Variants in GABRB2 observed in about 807,000 individuals in gnomAD.
GABRB2 encodes gamma-aminobutyric acid type A receptor subunit beta2, also known as gamma-aminobutyric acid receptor subunit beta-2.
GABRB2 carries 16 observed loss-of-function variants against 54.7 expected under a neutral mutation model. The ratio of observed to expected loss-of-function variants is 0.29; its 90% confidence interval spans 0.20 to 0.44. GABRB2 has a LOEUF of 0.44. GABRB2 is among the 20% of genes least tolerant of loss of function. The pLI is 1.00. For missense variants in GABRB2, 355 were observed against 644.0 expected (o/e 0.55, Z 4.86); for synonymous variants, 244 against 233.8 (o/e 1.04, Z -0.40).
intron 4 of GABRB2, among the ~76,000 whole-genome samples, chr5:161,450,835 C>T (rs1757769408): frequency 6.6e-6 from 1 of 152,090 alleles, no homozygotes; most frequent in Non-Finnish European, 1.5e-5. Context: ...AAAGAGGTTG[C>T]ATTCTATAAC....
chr5:161,533,119 C>T (rs1252136498), intron 3 of GABRB2, among the ~76,000 whole-genome samples: 5 of 151,950 alleles, frequency 3.3e-5, no homozygotes, highest in Admixed American at 3.3e-4. Context: ...CAGTAGATGC[C>T]AAAGTGTATA....
chr5:161,516,325 T>A (rs1227453330), intron 3 of GABRB2, among the ~76,000 whole-genome samples: 3 of 152,174 alleles, frequency 2.0e-5, no homozygotes, highest in African/African-American at 7.2e-5. Context: ...TTAATGCTCA[T>A]AACAACCCCA....
intron 5 of GABRB2, among the ~76,000 whole-genome samples, chr5:161,343,095 T>G (rs1443406258): frequency 1.3e-5 from 2 of 152,142 alleles, no homozygotes; most frequent in Admixed American, 1.3e-4. Context: ...GATACACACT[T>G]CTCAGTCATA....
chr5:161,416,696 C>CAAAAAAAAAAAAAAAAACAAA (rs1756681095), intron 4 of GABRB2, among the ~76,000 whole-genome samples: 4 of 35,120 alleles, frequency 1.1e-4, no homozygotes, highest in Non-Finnish European at 2.8e-4. Flanking sequence ...GACTCCGTCT[C>CAAAAAAAAAAAAAAAAACAAA]AAAAAAAAAA....
chr5:161,432,773 C>T (rs1189882639), intron 4 of GABRB2, among the ~76,000 whole-genome samples: 2 of 152,090 alleles, frequency 1.3e-5, no homozygotes, highest in Non-Finnish European at 2.9e-5. Context: ...TCCCCATGGG[C>T]TCCCCAGAAA....
At chr5:161,352,752 T>C (rs2113437861) in intron 5 of GABRB2, among the ~76,000 whole-genome samples, 1 of 152,188 alleles carries the variant, frequency 6.6e-6, no homozygotes, top group East Asian at 1.9e-4. Context: ...GTTAATTAGA[T>C]TGAGCTTGTC....
At chr5:161,530,090 T>C (rs371637698) in intron 3 of GABRB2, among the ~76,000 whole-genome samples, 1 of 152,040 alleles carries the variant, frequency 6.6e-6, no homozygotes, top group Non-Finnish European at 1.5e-5. Flanking sequence ...ACAGCATAAG[T>C]AGCGTTTGAT....
At chr5:161,477,808 T>C (rs182819540) in intron 3 of GABRB2, among the ~76,000 whole-genome samples, 1 of 152,016 alleles carries the variant, frequency 6.6e-6, no homozygotes, top group East Asian at 1.9e-4. Context: ...AGCTGGGGAC[T>C]GAGAGAAATT....
chr5:161,375,754 G>C (rs966643016), intron 5 of GABRB2, among the ~76,000 whole-genome samples: 10 of 152,164 alleles, frequency 6.6e-5, no homozygotes, highest in Non-Finnish European at 1.2e-4. Flanking sequence ...CGGTTTAAAT[G>C]AGATAATGCT....
chr5:161,485,205 G>C lies in GABRB2; in HGVS notation c.238-25361C>G, dbSNP rs1379801576. Among the ~76,000 whole-genome samples the C allele has an allele frequency of 2.0e-5, 3 of 151,962 alleles. No individual in the cohort carries two copies. The East Asian group carries it at 5.8e-4, about 29-fold the overall frequency. On this transcript the variant is annotated intron_variant, in intron 3 of 9. Transcript: ENST00000393959. ...TACCCCTGCATCCTAATCTGGGTTA[G>C]ACGCCTTCCAGTATACTGTCACAAC... is the stretch of plus-strand genomic sequence containing the variant.
intron 5 of GABRB2, among the ~76,000 whole-genome samples, chr5:161,395,473 A>T (rs1159696564): frequency 6.6e-6 from 1 of 152,156 alleles, no homozygotes; most frequent in African/African-American, 2.4e-5. Context: ...GGGCATAATG[A>T]TTAAGAAAAT....
At chr5:161,442,764 T>C (rs1446709741) in intron 4 of GABRB2, among the ~76,000 whole-genome samples, 1 of 150,966 alleles carries the variant, frequency 6.6e-6, no homozygotes, top group Non-Finnish European at 1.5e-5. Flanking sequence ...CTCTCTCTCT[T>C]TCTTTTTTTT....
intron 5 of GABRB2, among the ~76,000 whole-genome samples, chr5:161,387,963 A>G (rs1229701065): frequency 1.3e-5 from 2 of 152,158 alleles, no homozygotes; most frequent in African/African-American, 4.8e-5. Context: ...CAAAGCCAAC[A>G]GCAAGTTTTG....
intron 5 of GABRB2, among the ~76,000 whole-genome samples, chr5:161,346,517 T>C (rs1407873605): frequency 6.6e-6 from 1 of 152,106 alleles, no homozygotes; most frequent in Non-Finnish European, 1.5e-5. Context: ...ACAGAGAAAG[T>C]AAAGTCCCAG....
In GABRB2 at chr5:161,413,044, A is replaced by G. The variant is rs115488746; in HGVS notation, c.459-1987T>C. Among the ~76,000 whole-genome samples, 396 of 152,326 alleles carry G rather than the reference A, an allele frequency of 2.6e-3. 4 individuals carry two copies. Among genetic ancestry groups the G allele is most frequent in the African/African-American group, 8.2e-3 (341 of 41,582 alleles). On this transcript the variant is annotated intron_variant, in intron 4 of 9. Coordinates refer to ENST00000393959, the MANE Select transcript of GABRB2 (RefSeq NM_001371727.1). ...CATCCTCCCAGAGTGCTGGGATTAC[A>G]GACATGAGCCACTGCACTCCCTTAT...
intron 4 of GABRB2, among the ~76,000 whole-genome samples, chr5:161,438,427 GC>G (rs1166426123): frequency 6.6e-6 from 1 of 152,134 alleles, no homozygotes; most frequent in East Asian, 1.9e-4. Context: ...AAGAGAGACA[GC>G]TACAAATAAG....
In GABRB2 at chr5:161,451,449, T is replaced by C. The variant is rs141334560; in HGVS notation, c.458+8175A>G. ...ATAAGAACTGTCCCAACAAAATCAG[T>C]AGGAGTATATACCCTGAGCCATTTC... is the stretch of plus-strand genomic sequence containing the variant. On this transcript the variant is annotated intron_variant, in intron 4 of 9. Coordinates refer to ENST00000393959, the MANE Select transcript of GABRB2 (RefSeq NM_001371727.1). Among the ~76,000 whole-genome samples, 31 of 152,282 alleles carry C rather than the reference T, an allele frequency of 2.0e-4. No individual in the cohort carries two copies. The East Asian group carries it at 6.0e-3, about 29-fold the overall frequency.
intron 4 of GABRB2, among the ~76,000 whole-genome samples, chr5:161,430,877 G>A (rs1453523517): frequency 3.3e-5 from 5 of 152,074 alleles, no homozygotes; most frequent in African/African-American, 9.7e-5. Context: ...AGTAAGAATA[G>A]GTTATGCATG....
intron 3 of GABRB2, among the ~76,000 whole-genome samples, chr5:161,473,809 A>G (rs541738413): frequency 6.6e-6 from 1 of 152,042 alleles, no homozygotes; most frequent in South Asian, 2.1e-4. Context: ...TGACTTTTTA[A>G]GATGTAGAGT....
Sources: allele counts gnomAD v4.1 joint callset (sites outside exome capture counted in the v4.1 genomes callset), GRCh38; gene constraint gnomAD v4.1.1; transcripts MANE v1.5; gene names NCBI Gene and HGNC (gene_info 2026-07-23, HGNC 2026-07-21).